Variants in CDON observed in about 807,000 individuals in gnomAD.
CDON encodes cell adhesion associated, oncogene regulated, also known as cell adhesion molecule-related/down-regulated by oncogenes.
CDON carries 73 observed loss-of-function variants against 120.9 expected under a neutral mutation model. That is an observed-to-expected ratio of 0.60 (90% CI 0.50 to 0.73). CDON has a LOEUF of 0.73. Among genes scored for constraint, CDON ranks in the 30% least tolerant of loss-of-function variants. CDON has a pLI of 0.00. For synonymous variants in CDON, 566 were observed against 573.5 expected (o/e 0.99, Z 0.19); for missense variants, 1,470 against 1,587.3 (o/e 0.93, Z 1.26).
chr11:126,022,674 C>T (rs551524446), intron 2 of CDON, among the ~76,000 whole-genome samples: 9 of 152,268 alleles, frequency 5.9e-5, no homozygotes, highest in African/African-American at 1.9e-4. Context: ...TTGGCTGAAT[C>T]TGGGGTGGTT....
intron 1 of CDON, among the ~76,000 whole-genome samples, chr11:126,058,981 A>G (rs1482928408): frequency 6.6e-6 from 1 of 152,236 alleles, no homozygotes; most frequent in Non-Finnish European, 1.5e-5. Context: ...AAGACAACAG[A>G]AAAGACATAA....
At chr11:125,983,848 A>C in intron 16 of CDON, 24 bp downstream of exon 16, 158 of 1,489,918 alleles carry the variant, frequency 1.1e-4, no homozygotes, top group Non-Finnish European at 1.4e-4. Context: ...GAAAAAGAGA[A>C]GGAGATATTT....
intron 14 of CDON, 126 bp from the exon 15 acceptor site, chr11:125,989,885 A>G: frequency 1.2e-6 from 1 of 808,620 alleles, no homozygotes; most frequent in Middle Eastern, 3.3e-4. Flanking sequence ...TGTGCAATAA[A>G]AATGTACTTA....
Position 126,021,445 on chromosome 11 carries a change from G to C in CDON, c.152C>G (p.Ser51Cys), listed in dbSNP as rs1412593151. The C allele has an allele frequency of 6.2e-7, 1 of 1,614,074 alleles. No homozygotes were observed. The highest frequency in any genetic ancestry group is 1.3e-5 in the African/African-American group (1 of 75,040). The change falls in exon 3 of 20, where the codon TCT becomes TGT. Residue 51 changes from serine (S) to cysteine (C), a missense_variant. Physicochemically the swap from Ser to Cys is moderately radical, Grantham distance 112. Transcript: ENST00000531738. ...GATACGAGTGGTCACAGGTTGAGCA[G>C]AACAATGCAGTACTACAGGTCCACC... The part of the protein sequence containing the change: ...KLGGPVVLHC[S>C]AQPVTTRISW...
chr11:126,059,480 AC>A (rs1325001516), intron 1 of CDON, among the ~76,000 whole-genome samples: 1 of 133,704 alleles, frequency 7.5e-6, no homozygotes, highest in Admixed American at 7.6e-5. Flanking sequence ...CACCCCCTCA[AC>A]CCCCCCTGCC....
chr11:126,015,009 G>A lies in CDON; in HGVS notation c.1198+232C>T, dbSNP rs76619396. 0.1 allele frequency: 54,002 copies of A among 541,154 alleles called. 2,894 individuals carry two copies. The highest frequency in any genetic ancestry group is 0.13 in the Admixed American group (4,136 of 32,088). The allele number at this position is 541,154 out of a possible 1,614,324, so 33.5% of individuals were successfully genotyped here. On this transcript the variant is annotated intron_variant, in intron 7 of 19. Transcript: ENST00000531738. ...TTGTACCATATAGATTTTTAAAGTA[G>A]GCAGAATCTGTTGAAAATTTTTTAA... is the stretch of plus-strand genomic sequence containing the variant.
At position 125,979,874 on chromosome 11, in the gene CDON, G is replaced by C. The variant is rs188887432; in HGVS notation, c.3276+1175C>G. The stretch of plus-strand genomic sequence containing the variant: ...CATGATTCTCTTTTAGTAATGAGAT[G>C]CATTAAAGCAAATTAATATTTCTTC... On this transcript the variant is annotated intron_variant, in intron 17 of 19. Coordinates refer to ENST00000531738, the MANE Select transcript of CDON (RefSeq NM_001378964.1). Among the ~76,000 whole-genome samples, 28 of 152,284 alleles carry C rather than the reference G, an allele frequency of 1.8e-4. No individual in the cohort carries two copies. In the East Asian group the frequency reaches 4.4e-3, roughly 24 times the overall value.
intron 14 of CDON, among the ~76,000 whole-genome samples, chr11:125,990,250 A>G (rs561591684): frequency 2.0e-5 from 3 of 152,314 alleles, no homozygotes; most frequent in African/African-American, 4.8e-5. Flanking sequence ...CATGGATGCA[A>G]CGTGAACTGA....
At chr11:125,974,651 T>C (rs1946104640) in intron 18 of CDON, among the ~76,000 whole-genome samples, 1 of 152,172 alleles carries the variant, frequency 6.6e-6, no homozygotes, top group Non-Finnish European at 1.5e-5. Context: ...TTGTCTCCTT[T>C]GGTGTCTCAT....
At chr11:126,061,192 G>A (rs1308781397) in intron 1 of CDON, among the ~76,000 whole-genome samples, 1 of 152,152 alleles carries the variant, frequency 6.6e-6, no homozygotes, top group Non-Finnish European at 1.5e-5. Context: ...TCTACACACT[G>A]CCAAACACAC....
chr11:126,037,152 G>C (rs1353614605), intron 1 of CDON, among the ~76,000 whole-genome samples: 2 of 150,906 alleles, frequency 1.3e-5, no homozygotes, highest in Non-Finnish European at 2.9e-5. Context: ...CCAGGCTGGA[G>C]TGCAGTGACA....
Position 126,021,496 on chromosome 11 carries a change from T to G in CDON, c.101A>C (p.Glu34Ala), listed in dbSNP as rs776289358. Residue 34 changes from glutamate (E) to alanine (A), a missense_variant, in exon 3 of 20, where the codon GAG becomes GCG. Physicochemically the swap from Glu to Ala is moderately radical, Grantham distance 107. Transcript: ENST00000531738. Reference sequence around the variant, plus strand: ...AAGTTTCTGGACAGCAGAGAGCGGCTCAGAAGTAAAATAAGGTGCCAAGTC... The same window carrying G: ...AAGTTTCTGGACAGCAGAGAGCGGCGCAGAAGTAAAATAAGGTGCCAAGTC... ...SSDLAPYFTS[E>A]PLSAVQKLGG... The G allele has an allele frequency of 3.2e-5, 52 of 1,613,798 alleles. No homozygotes were observed. The highest frequency in any genetic ancestry group is 2.3e-4 in the Admixed American group (14 of 59,972).
At position 126,010,539 on chromosome 11, in the gene CDON, C is replaced by T; in HGVS notation, c.1354G>A (p.Val452Ile). The change falls in exon 8 of 20, where the codon GTC becomes ATC. Residue 452 changes from valine to isoleucine, a missense_variant. By Grantham distance (29) the Val-to-Ile change is conservative (BLOSUM62 3). Transcript: ENST00000531738. Reference sequence around the variant, plus strand: ...GATTTTCGGGATTTCGATCTCAGGACTTGAGATGGATGGCTGGTTATCAAT... The same window carrying T: ...GATTTTCGGGATTTCGATCTCAGGATTTGAGATGGATGGCTGGTTATCAAT... ...HGLITSHPSQ[V>I]LRSKSRKSQL... The T allele has an allele frequency of 6.2e-7, 1 of 1,614,122 alleles. No homozygotes were observed. The highest frequency in any genetic ancestry group is 8.5e-7 in the Non-Finnish European group (1 of 1,179,998).
At chr11:125,984,294 T>G (rs1445552238) in intron 15 of CDON, among the ~76,000 whole-genome samples, 2 of 152,228 alleles carry the variant, frequency 1.3e-5, no homozygotes, top group African/African-American at 4.8e-5. Flanking sequence ...CCACAAACTT[T>G]AGAGAAATCC....
chr11:126,005,669 G>A, intron 9 of CDON, 90 bp downstream of exon 9: 1 of 1,207,302 alleles, frequency 8.3e-7, no homozygotes, highest in Non-Finnish European at 1.2e-6. Flanking sequence ...TCTGTTTCCT[G>A]CCATTCTACA....
At chr11:126,026,960 G>C (rs577931018) in intron 1 of CDON, among the ~76,000 whole-genome samples, 1 of 152,292 alleles carries the variant, frequency 6.6e-6, no homozygotes, top group East Asian at 1.9e-4. Flanking sequence ...TTTAACCCTA[G>C]TGCATGACCT....
chr11:125,964,800 A>T (rs1266738745), intron 18 of CDON, among the ~76,000 whole-genome samples: 1 of 152,188 alleles, frequency 6.6e-6, no homozygotes, highest in Non-Finnish European at 1.5e-5. Flanking sequence ...ATCATCTCAT[A>T]ATCAGGAAAA....
At chr11:126,016,114 T>C (rs117265781) in intron 6 of CDON, among the ~76,000 whole-genome samples, 1 of 152,222 alleles carries the variant, frequency 6.6e-6, no homozygotes, top group Admixed American at 6.5e-5. Flanking sequence ...CATACACTTA[T>C]GTTAATTCCA....
Position 125,970,319 on chromosome 11 carries a change from C to T in CDON, c.3356+7985G>A, listed in dbSNP as rs534846341. On this transcript the variant is annotated intron_variant, in intron 18 of 19. Coordinates refer to ENST00000531738, the MANE Select transcript of CDON (RefSeq NM_001378964.1). The stretch of plus-strand genomic sequence containing the variant: ...GCTCCAGAGTAGCTGAGATTACAGG[C>T]GCGCGCCACCACGCCTGGCTGATTT... 2.3e-3 allele frequency among the ~76,000 whole-genome samples: 351 copies of T among 151,758 alleles called. 1 individual carries two copies. Among genetic ancestry groups the T allele is most frequent in the Non-Finnish European group, 4.0e-3 (270 of 67,922 alleles).
Sources: allele counts gnomAD v4.1 joint callset (sites outside exome capture counted in the v4.1 genomes callset), GRCh38; gene constraint gnomAD v4.1.1; transcripts MANE v1.5; gene names NCBI Gene and HGNC (gene_info 2026-07-23, HGNC 2026-07-21).